Variants in BASP1 observed in about 807,000 individuals in gnomAD.
BASP1 encodes the protein brain abundant membrane attached signal protein 1, also known as brain acid soluble protein 1.
Under a neutral mutation model 2.2 loss-of-function variants are expected in BASP1, and 1 was observed. The observed-to-expected ratio is 0.46, with a 90% CI of 0.16 to 2.17. The LOEUF (loss-of-function observed/expected upper bound fraction) is 2.17, where lower values mean the gene tolerates loss of function less well. Ranked by LOEUF, BASP1 falls within the 30% of genes most tolerant of loss-of-function variation. The pLI is 0.27. For missense variants in BASP1, 352 were observed against 327.2 expected, an observed-to-expected ratio of 1.08 and a Z score of -0.58; for synonymous variants, 187 against 154.2, an observed-to-expected ratio of 1.21 and a Z score of -1.58.
intron 1 of BASP1, among the ~76,000 whole-genome samples, chr5:17,263,765 T>G (rs1380896149): frequency 1.3e-5 from 2 of 152,216 alleles, no homozygotes; most frequent in East Asian, 3.8e-4. Flanking sequence ...TTTATCATAC[T>G]TTTTTACAGT....
chr5:17,261,028 A>C (rs999329169), intron 1 of BASP1, among the ~76,000 whole-genome samples: 3 of 152,250 alleles, frequency 2.0e-5, no homozygotes, highest in Non-Finnish European at 4.4e-5. Context: ...AAATTTTTTA[A>C]AAATCTATTT....
chr5:17,258,935 G>A (rs533564571), intron 1 of BASP1, among the ~76,000 whole-genome samples: 2 of 152,182 alleles, frequency 1.3e-5, no homozygotes, highest in African/African-American at 4.8e-5. Context: ...AATTTATAAG[G>A]AGGGACCAGA....
At chr5:17,253,818 T>C (rs989797297) in intron 1 of BASP1, among the ~76,000 whole-genome samples, 1 of 152,182 alleles carries the variant, frequency 6.6e-6, no homozygotes, top group Admixed American at 6.5e-5. Flanking sequence ...ATACTTGCTT[T>C]ATTAACAAAT....
chr5:17,273,261 G>A (rs556245862), intron 1 of BASP1, among the ~76,000 whole-genome samples: 1 of 152,178 alleles, frequency 6.6e-6, no homozygotes, highest in African/African-American at 2.4e-5. Flanking sequence ...CTCTGTGATT[G>A]CTTATAGGAT....
At chr5:17,237,892 T>C (rs1739782979) in intron 1 of BASP1, among the ~76,000 whole-genome samples, 1 of 152,172 alleles carries the variant, frequency 6.6e-6, no homozygotes, top group Non-Finnish European at 1.5e-5. Context: ...ATTACAGGCA[T>C]GAGCCACTGT....
intron 1 of BASP1, among the ~76,000 whole-genome samples, chr5:17,225,229 A>T (rs1236811867): frequency 1.3e-5 from 2 of 151,774 alleles, no homozygotes; most frequent in African/African-American, 2.4e-5. Flanking sequence ...CTGCAACGTA[A>T]AACTTTTTTT....
At chr5:17,235,463 C>T (rs889493089) in intron 1 of BASP1, among the ~76,000 whole-genome samples, 6 of 151,956 alleles carry the variant, frequency 3.9e-5, no homozygotes, top group South Asian at 2.1e-4. Flanking sequence ...GGGGTTTCAC[C>T]GTGTTAGCCA....
intron 1 of BASP1, among the ~76,000 whole-genome samples, chr5:17,266,814 CAAAAAAA>C (rs70943882): frequency 5.4e-5 from 6 of 111,486 alleles, no homozygotes; most frequent in African/African-American, 2.3e-4. Flanking sequence ...GATCCTGTCT[CAAAAAAA>C]AAAAAAAAAA....
intron 1 of BASP1, among the ~76,000 whole-genome samples, chr5:17,274,391 T>C (rs1237995587): frequency 6.6e-6 from 1 of 152,238 alleles, no homozygotes; most frequent in African/African-American, 2.4e-5. Context: ...TTTGCTGATA[T>C]AACACACACA....
At position 17,275,888 on chromosome 5, in the gene BASP1, C is replaced by A. The variant is rs528395345; in HGVS notation, c.672C>A (p.Thr224=). The change falls in exon 2 of 2, where the codon ACC becomes ACA. Residue 224 remains threonine, a synonymous_variant. Transcript: ENST00000322611. This position sits in a 1 kb window ranked among gnomAD's most constrained non-coding sequence, Gnocchi z 5.3. ...APAANSDQTV[T]VKE is the part of the protein sequence containing the mutation. ...CAGCTAATTCCGACCAAACCGTAAC[C>A]GTGAAAGAGTGACAAGGACAGCCTA... 6.3e-7 allele frequency: 1 copy of A among 1,587,726 alleles called. No homozygotes were observed.
chr5:17,251,898 G>A lies in BASP1; in HGVS notation c.-9-23310G>A, dbSNP rs975412346. 1.3e-5 allele frequency among the ~76,000 whole-genome samples: 2 copies of A among 152,182 alleles called. No individual in the cohort carries two copies. Among genetic ancestry groups the A allele is most frequent in the African/African-American group, 4.8e-5 (2 of 41,450 alleles). ...TGTTGGGTCAGTTGTAGACCACTAT[G>A]TGCATGAGTCTGAAGCTCAAGAAAT... On this transcript the variant is annotated intron_variant, in intron 1 of 1. Coordinates refer to ENST00000322611, the MANE Select transcript of BASP1 (RefSeq NM_006317.5). The surrounding 1 kb of genome is among the most constrained non-coding windows in gnomAD (Gnocchi z 4.0).
chr5:17,256,682 C>A (rs904841152), intron 1 of BASP1, among the ~76,000 whole-genome samples: 1 of 152,050 alleles, frequency 6.6e-6, no homozygotes, highest in Non-Finnish European at 1.5e-5. Context: ...GAACAGAAAT[C>A]GTTTAAAAAT....
upstream of BASP1, among the ~76,000 whole-genome samples, chr5:17,217,403 G>C (rs570535439): frequency 2.1e-3 from 23 of 10,934 alleles, 1 homozygote; most frequent in East Asian, 0.023. Flanking sequence ...GGTCTGCGCC[G>C]GAGGAGGGGA....
At chr5:17,223,700 G>T (rs1307725289) in intron 1 of BASP1, among the ~76,000 whole-genome samples, 1 of 152,156 alleles carries the variant, frequency 6.6e-6, no homozygotes, top group African/African-American at 2.4e-5. Flanking sequence ...GCTTTGATAT[G>T]TTGAGACCTG....
In BASP1 at chr5:17,276,729, AAAAAAAAAAC is replaced by A. The variant is rs1313798225; in HGVS notation, c.*839_*848del. 1 of 91,430 alleles carries A rather than the reference AAAAAAAAAAC, an allele frequency of 1.1e-5. No individual in the cohort carries two copies. The highest frequency in any genetic ancestry group is 2.9e-5 in the Non-Finnish European group (1 of 33,906). The allele number at this position is 91,430 out of a possible 1,614,324, so 5.7% of individuals were successfully genotyped here. On this transcript the variant is annotated 3_prime_UTR_variant, in exon 2 of 2. Coordinates refer to ENST00000322611, the MANE Select transcript of BASP1 (RefSeq NM_006317.5). Reference sequence around the variant, plus strand: ...CAACACACCACTCATTGGAAAATGGAAAAAAAAAACAAAAAAAAAACAAAAAAATGTACAA... The same window carrying A: ...CAACACACCACTCATTGGAAAATGGAAAAAAAAAAACAAAAAAATGTACAA...
chr5:17,246,737 A>C (rs952393515), intron 1 of BASP1, among the ~76,000 whole-genome samples: 1 of 152,234 alleles, frequency 6.6e-6, no homozygotes, highest in African/African-American at 2.4e-5. Flanking sequence ...CTCATTCTCT[A>C]ATTGCCCATT....
chr5:17,241,192 C>G (rs1739855894), intron 1 of BASP1, among the ~76,000 whole-genome samples: 1 of 151,588 alleles, frequency 6.6e-6, no homozygotes, highest in South Asian at 2.1e-4. Context: ...TCCCACCTCT[C>G]AGATTCAAGC....
chr5:17,253,919 G>T (rs558239603), intron 1 of BASP1, among the ~76,000 whole-genome samples: 1 of 151,918 alleles, frequency 6.6e-6, no homozygotes, highest in Non-Finnish European at 1.5e-5. Flanking sequence ...ATTAATTACT[G>T]TATCTAGTGT....
intron 1 of BASP1, among the ~76,000 whole-genome samples, chr5:17,252,523 T>C (rs1740123211): frequency 6.6e-6 from 1 of 152,226 alleles, no homozygotes; most frequent in African/African-American, 2.4e-5. Flanking sequence ...GGAGATGTTC[T>C]CTGTGGATGT....
Sources: allele counts gnomAD v4.1 joint callset (sites outside exome capture counted in the v4.1 genomes callset), GRCh38; gene constraint gnomAD v4.1.1; non-coding constraint Gnocchi (gnomAD v3.1); transcripts MANE v1.5; gene names NCBI Gene and HGNC (gene_info 2026-07-23, HGNC 2026-07-21).